PCDH11X: variants seen among roughly 807,000 people sequenced by gnomAD.
The protein encoded by PCDH11X is protocadherin-11 X-linked.
In PCDH11X, 18 loss-of-function variants were observed where a neutral mutation model predicts 53.3. The ratio of observed to expected loss-of-function variants is 0.34; its 90% CI spans 0.23 to 0.50. The LOEUF (loss-of-function observed/expected upper bound fraction) is 0.50, where lower values mean the gene tolerates loss of function less well. PCDH11X is among the 20% of genes least tolerant of loss of function. PCDH11X has a pLI of 0.98. For missense variants in PCDH11X, 570 were observed against 1,032.4 expected, an observed-to-expected ratio of 0.55 and a Z score of 6.14; for synonymous variants, 279 against 393.3, an observed-to-expected ratio of 0.71 and a Z score of 3.44.
intron 9 of PCDH11X, among the ~76,000 whole-genome samples, chrX:92,465,871 A>G (rs188137840): frequency 0.087 from 9,640 of 110,572 alleles, 452 homozygotes; most frequent in Non-Finnish European, 0.13. Flanking sequence ...TTAGTTTACT[A>G]ATTAAAATAT....
At chrX:92,453,609 C>T (rs2072848265) in intron 9 of PCDH11X, among the ~76,000 whole-genome samples, 1 of 111,210 alleles carries the variant, frequency 9.0e-6, no homozygotes, top group Admixed American at 9.6e-5. Context: ...TATGGTACGA[C>T]ATACAGTGCT....
At chrX:91,804,544 C>T (rs1231994805) in intron 1 of PCDH11X, among the ~76,000 whole-genome samples, 1 of 106,519 alleles carries the variant, frequency 9.4e-6, no homozygotes, top group African/African-American at 3.4e-5. Context: ...ATTCAATCAA[C>T]ATGTATAAAA....
chrX:92,538,430 G>A (rs187793964), intron 10 of PCDH11X, among the ~76,000 whole-genome samples: 1,346 of 110,613 alleles, frequency 0.012, 22 homozygotes, highest in African/African-American at 0.043. Context: ...TGGTTGGTTT[G>A]TAGTCTCCTC....
intron 6 of PCDH11X, among the ~76,000 whole-genome samples, chrX:92,054,606 A>G (rs2063415329): frequency 9.0e-6 from 1 of 110,858 alleles, no homozygotes; most frequent in Admixed American, 9.6e-5. Flanking sequence ...AGATCACCTG[A>G]GGTCGGGAGT....
rs774637533 is a variant in PCDH11X, at chrX:91,878,787, G to A, written c.2547G>A (p.Lys849=). The A allele has an allele frequency of 6.6e-6, 8 of 1,211,232 alleles. No individual in the cohort carries two copies. The highest frequency in any genetic ancestry group is 8.9e-6 in the Non-Finnish European group (8 of 895,390). The change falls in exon 6 of 11, where the codon AAG becomes AAA. Residue 849 remains lysine (K), a synonymous_variant. Coordinates refer to ENST00000682573, the MANE Select transcript of PCDH11X (RefSeq NM_032968.5). ...APHLKAAQKN[K]QNSEWATPNP... is the part of the protein sequence containing the mutation. ...ACCTTAAGGCTGCTCAGAAAAACAA[G>A]CAGAATTCTGAATGGGCTACCCCAA...
At chrX:92,419,705 A>G (rs1363098470) in intron 9 of PCDH11X, among the ~76,000 whole-genome samples, 2 of 23,944 alleles carry the variant, frequency 8.4e-5, no homozygotes, top group Non-Finnish European at 1.4e-4. Flanking sequence ...TTTTGAGATG[A>G]TTCTCGCTCT....
rs761654085 is a variant in PCDH11X, at chrX:91,888,667, A to T, written c.3033+9394A>T. On this transcript the variant is annotated intron_variant, in intron 6 of 10. Transcript: ENST00000682573. ...CAGAGTGAGATTCCATCTCAAAAAAATTTTTTTAAATAAATAAATAAAAAC... is the reference window on the plus strand; with the variant it reads ...CAGAGTGAGATTCCATCTCAAAAAATTTTTTTTAAATAAATAAATAAAAAC... Among the ~76,000 whole-genome samples the T allele has an allele frequency of 7.3e-4, 81 of 111,046 alleles. 1 individual carries two copies. Among genetic ancestry groups the T allele is most frequent in the African/African-American group, 2.4e-3 (72 of 30,594 alleles).
chrX:91,963,249 C>A (rs948616473), intron 6 of PCDH11X, among the ~76,000 whole-genome samples: 9 of 111,094 alleles, frequency 8.1e-5, no homozygotes, highest in Non-Finnish European at 1.5e-4. Context: ...CAAACCATAT[C>A]TTTGTGAATA....
chrX:92,136,308 A>G (rs1242463544), intron 6 of PCDH11X, among the ~76,000 whole-genome samples: 1 of 110,785 alleles, frequency 9.0e-6, no homozygotes, highest in Non-Finnish European at 1.9e-5. Flanking sequence ...GTAGACAGCA[A>G]GAATACCAGA....
At chrX:92,409,551 T>C (rs1291244120) in intron 9 of PCDH11X, among the ~76,000 whole-genome samples, 1 of 112,659 alleles carries the variant, frequency 8.9e-6, no homozygotes, top group Non-Finnish European at 1.9e-5. Flanking sequence ...ATAACAGATA[T>C]GTCATGTAGA....
At chrX:92,338,837 C>G (rs1016836439) in intron 8 of PCDH11X, among the ~76,000 whole-genome samples, 3 of 111,968 alleles carry the variant, frequency 2.7e-5, no homozygotes, top group Non-Finnish European at 5.6e-5. Flanking sequence ...TTCTCTATTT[C>G]TAACTACTGG....
intron 10 of PCDH11X, among the ~76,000 whole-genome samples, chrX:92,537,249 T>G (rs2148732882): frequency 1.8e-5 from 2 of 108,657 alleles, no homozygotes; most frequent in Admixed American, 2.0e-4. Context: ...CTTGTACTTC[T>G]GGAGTATTAC....
At chrX:92,297,834 G>T (rs1273130706) in intron 8 of PCDH11X, among the ~76,000 whole-genome samples, 1 of 108,052 alleles carries the variant, frequency 9.3e-6, no homozygotes, top group Non-Finnish European at 1.9e-5. Context: ...GCACTGTTTT[G>T]CAATTCTTGT....
intron 6 of PCDH11X, among the ~76,000 whole-genome samples, chrX:92,160,691 G>A (rs1377575037): frequency 3.0e-5 from 3 of 99,794 alleles, no homozygotes; most frequent in Non-Finnish European, 4.0e-5. Context: ...TAGATACCCA[G>A]TAGTGGGAGT....
chrX:92,457,067 T>C (rs759167333), intron 9 of PCDH11X, among the ~76,000 whole-genome samples: 1 of 108,995 alleles, frequency 9.2e-6, no homozygotes, highest in Non-Finnish European at 1.9e-5. Context: ...ACTAAAATAA[T>C]AATCATATAT....
chrX:91,790,668 A>G (rs940540817), intron 1 of PCDH11X, among the ~76,000 whole-genome samples: 9 of 111,210 alleles, frequency 8.1e-5, no homozygotes, highest in Admixed American at 5.8e-4. Context: ...CATGCTAACC[A>G]CTTTCCTCAC....
At chrX:92,243,697 T>G in intron 7 of PCDH11X, among the ~76,000 whole-genome samples, 1 of 111,796 alleles carries the variant, frequency 8.9e-6, no homozygotes, top group Admixed American at 9.5e-5. Context: ...AAGTTTGACC[T>G]TCATCTAAAT....
chrX:91,813,548 A>T (rs996114310), intron 4 of PCDH11X, among the ~76,000 whole-genome samples: 7 of 105,432 alleles, frequency 6.6e-5, no homozygotes, highest in African/African-American at 2.6e-4. Context: ...AGAGAAAGAT[A>T]TTTCTTAGAA....
intron 7 of PCDH11X, among the ~76,000 whole-genome samples, chrX:92,218,710 A>G (rs1370442573): frequency 9.0e-6 from 1 of 111,629 alleles, no homozygotes; most frequent in Admixed American, 9.5e-5. Flanking sequence ...GGCCAGCATC[A>G]TCCTGATACC....
Sources: gnomAD v4.1 joint callset for allele counts (sites outside exome capture counted in the v4.1 genomes callset) on GRCh38, gnomAD v4.1.1 for gene constraint, MANE v1.5 for transcripts, NCBI Gene and HGNC (gene_info 2026-07-23, HGNC 2026-07-21) for gene names.